The following KLRK1 variants were observed in gnomAD, a reference collection of about 807,000 sequenced individuals.
KLRK1 encodes NKG2-D type II integral membrane protein.
In KLRK1, 40 loss-of-function variants were observed where a neutral mutation model predicts 31.3. The observed-to-expected ratio is 1.28, with a 90% CI of 0.99 to 1.67. KLRK1 has a LOEUF of 1.67. KLRK1 is among the 40% of genes most tolerant of loss of function. KLRK1 has a pLI of 0.00. For synonymous variants in KLRK1, 77 were observed against 77.3 expected (o/e 1.00, Z 0.02); for missense variants, 251 against 260.0 (o/e 0.97, Z 0.24).
At chr12:10,377,731 C>T (rs1367210272) in intron 7 of KLRK1, among the ~76,000 whole-genome samples, 1 of 152,074 alleles carries the variant, frequency 6.6e-6, no homozygotes, top group South Asian at 2.1e-4. Context: ...TTTTCATGGG[C>T]TCATATAGTT....
intron 2 of KLRK1, among the ~76,000 whole-genome samples, chr12:10,387,697 C>T (rs1565495104): frequency 6.6e-6 from 1 of 151,940 alleles, no homozygotes; most frequent in Admixed American, 6.6e-5. Flanking sequence ...AGGCTTGTGC[C>T]ACCATACCTG....
intron 3 of KLRK1, among the ~76,000 whole-genome samples, chr12:10,385,785 A>G (rs1459703525): frequency 1.3e-5 from 2 of 152,070 alleles, no homozygotes; most frequent in Non-Finnish European, 2.9e-5. Context: ...CAAAGAAGTG[A>G]TAAATGTTGA....
chr12:10,379,523 G>GTAAC (rs1863031452), intron 4 of KLRK1, 41 bp from the exon 5 acceptor site: 1 of 1,354,486 alleles, frequency 7.4e-7, no homozygotes, highest in Admixed American at 2.3e-5. Context: ...TGTATTGTTA[G>GTAAC]TAACTTATAG....
intron 7 of KLRK1, among the ~76,000 whole-genome samples, chr12:10,373,765 TTTACTC>T (rs1862906943): frequency 6.6e-6 from 1 of 152,250 alleles, no homozygotes; most frequent in Admixed American, 6.5e-5. Context: ...ATATATGTGT[TTTACTC>T]TGGCATCTTT....
intron 7 of KLRK1, among the ~76,000 whole-genome samples, 199 bp downstream of exon 7, chr12:10,377,933 G>C (rs975308103): frequency 6.6e-6 from 1 of 152,128 alleles, no homozygotes; most frequent in Admixed American, 6.5e-5. Flanking sequence ...TAAACAATTT[G>C]TATTACTTAC....
chr12:10,385,706 G>A (rs80018829), intron 3 of KLRK1, among the ~76,000 whole-genome samples: 2 of 152,070 alleles, frequency 1.3e-5, no homozygotes, highest in East Asian at 1.9e-4. Context: ...TGTAGGGAGA[G>A]TACTGTTAAG....
chr12:10,389,536 A>G (rs537227766), intron 1 of KLRK1, among the ~76,000 whole-genome samples: 2 of 152,312 alleles, frequency 1.3e-5, no homozygotes, highest in South Asian at 2.1e-4. Flanking sequence ...TGGAAAGCAC[A>G]GATATAACTT....
At position 10,387,202 on chromosome 12, in the gene KLRK1, ATATT is replaced by A. The variant is rs1234872412; in HGVS notation, c.41-196_41-193del. Among the ~76,000 whole-genome samples, 7 of 152,362 alleles carry A rather than the reference ATATT, an allele frequency of 4.6e-5. No individual in the cohort carries two copies. The East Asian group carries it at 1.3e-3, about 29-fold the overall frequency. ...TACACTTTACTATATAAATAAAACT[ATATT>A]TATGCCATGGAAAGTACCCTTAGCA... On this transcript the variant is annotated intron_variant, in intron 2 of 7. Coordinates refer to ENST00000240618, the MANE Select transcript of KLRK1 (RefSeq NM_007360.4).
chr12:10,374,961 A>G (rs1862936515), intron 7 of KLRK1, among the ~76,000 whole-genome samples: 2 of 152,214 alleles, frequency 1.3e-5, no homozygotes, highest in Admixed American at 1.3e-4. Flanking sequence ...CTTCTGAAAA[A>G]AAATTTTGTC....
At chr12:10,380,964 G>A (rs1863063985) in intron 3 of KLRK1, among the ~76,000 whole-genome samples, 1 of 151,942 alleles carries the variant, frequency 6.6e-6, no homozygotes, top group Admixed American at 6.6e-5. Context: ...CATCCCTGGG[G>A]CCCTGCTGAC....
At chr12:10,384,854 A>G (rs951262717) in intron 3 of KLRK1, among the ~76,000 whole-genome samples, 2 of 152,078 alleles carry the variant, frequency 1.3e-5, no homozygotes, top group Non-Finnish European at 2.9e-5. Flanking sequence ...TCCTCTAACA[A>G]GAGACCAATA....
At chr12:10,388,627 G>T in intron 2 of KLRK1, 144 bp downstream of exon 2, 2 of 950,848 alleles carry the variant, frequency 2.1e-6, no homozygotes, top group Non-Finnish European at 1.5e-6. Flanking sequence ...AATACAATAT[G>T]AACATAACAT....
At chr12:10,380,128 C>G (rs1325331348) in intron 3 of KLRK1, among the ~76,000 whole-genome samples, 1 of 133,614 alleles carries the variant, frequency 7.5e-6, no homozygotes, top group African/African-American at 2.8e-5. Context: ...TGCAGTGGCG[C>G]GATCTCGGCT....
At chr12:10,376,918 G>A (rs141327296) in intron 7 of KLRK1, among the ~76,000 whole-genome samples, 2,544 of 152,086 alleles carry the variant, frequency 0.017, 61 homozygotes, top group African/African-American at 0.059. Flanking sequence ...CCGGGTTCAA[G>A]CCATTCCCCT....
chr12:10,379,881 A>G, intron 3 of KLRK1, 89 bp from the exon 4 acceptor site: 1 of 1,212,924 alleles, frequency 8.2e-7, no homozygotes, highest in Non-Finnish European at 1.1e-6. Context: ...AGTTTTTTAA[A>G]TGAGAAGGTG....
At chr12:10,388,559 A>G (rs1863209162) in intron 2 of KLRK1, among the ~76,000 whole-genome samples, 1 of 152,196 alleles carries the variant, frequency 6.6e-6, no homozygotes, top group Admixed American at 6.5e-5. Flanking sequence ...ACTTTACCAT[A>G]ATATAGTTAA....
chr12:10,383,633 A>G (rs78787856), intron 3 of KLRK1, among the ~76,000 whole-genome samples: 449 of 152,216 alleles, frequency 2.9e-3, no homozygotes, highest in Non-Finnish European at 5.0e-3. Context: ...GAGTAAAACT[A>G]TAATATAGAC....
intron 2 of KLRK1, 117 bp downstream of exon 2, chr12:10,388,654 G>T: frequency 3.4e-6 from 4 of 1,162,750 alleles, no homozygotes; most frequent in East Asian, 2.5e-5. Context: ...AACATAAATA[G>T]AACATGAAAA....
chr12:10,375,142 G>T (rs970165628), intron 7 of KLRK1, among the ~76,000 whole-genome samples: 3 of 152,172 alleles, frequency 2.0e-5, no homozygotes, highest in Non-Finnish European at 2.9e-5. Context: ...AGGAAGGAAG[G>T]TAGGGAGTTC....
Sources: allele counts gnomAD v4.1 joint callset (sites outside exome capture counted in the v4.1 genomes callset), GRCh38; gene constraint gnomAD v4.1.1; transcripts MANE v1.5; gene names NCBI Gene and HGNC (gene_info 2026-07-23, HGNC 2026-07-21).